Variants in OSBPL6 observed in about 807,000 individuals in gnomAD.
The protein encoded by OSBPL6 is oxysterol binding protein like 6.
In OSBPL6, 49 loss-of-function variants were observed where a neutral mutation model predicts 125.8. That is an observed-to-expected ratio of 0.39 (90% CI 0.31 to 0.49). The LOEUF (loss-of-function observed/expected upper bound fraction) is 0.49, where lower values mean the gene tolerates loss of function less well. OSBPL6 is among the 20% of genes least tolerant of loss of function. OSBPL6 has a pLI of 0.88. For synonymous variants in OSBPL6, 394 were observed against 391.8 expected, an observed-to-expected ratio of 1.01 and a Z score of -0.07; for missense variants, 986 against 1,135.4, an observed-to-expected ratio of 0.87 and a Z score of 1.89.
chr2:178,223,748 A>G (rs188482621), intron 1 of OSBPL6, among the ~76,000 whole-genome samples: 128 of 152,282 alleles, frequency 8.4e-4, no homozygotes, highest in African/African-American at 2.8e-3. Flanking sequence ...TCATTCTCAA[A>G]TCTGGTATCT....
rs748577352 is a variant in OSBPL6 at position 178,331,594 on chromosome 2, G to A, written c.361G>A (p.Ala121Thr). Residue 121 changes from alanine to threonine, a missense_variant, in exon 6 of 25, where the codon GCA (alanine) becomes ACA (threonine). Coordinates refer to ENST00000190611, the MANE Select transcript of OSBPL6 (RefSeq NM_032523.4). ...TAATGGAATGTTAAAGTATTCAAAG[G>A]CACCACTCGATGTAAGTAGCACACA... Reference protein sequence around the residue: ...LDNGMLKYSKAPLDIQKGKVH... With the variant: ...LDNGMLKYSKTPLDIQKGKVH... 9.3e-6 allele frequency: 15 copies of A among 1,613,866 alleles called. No homozygotes were observed. Among genetic ancestry groups the A allele is most frequent in the Non-Finnish European group, 1.3e-5 (15 of 1,179,928 alleles).
chr2:178,332,823 C>A, intron 7 of OSBPL6, 48 bp from the exon 8 acceptor site: 1 of 1,608,098 alleles, frequency 6.2e-7, no homozygotes, highest in Non-Finnish European at 8.5e-7. Flanking sequence ...CAGTGGTAGG[C>A]AGGAGAGTTA....
At chr2:178,369,679 A>G (rs555029379) in intron 13 of OSBPL6, among the ~76,000 whole-genome samples, 9 of 152,318 alleles carry the variant, frequency 5.9e-5, no homozygotes, top group Non-Finnish European at 1.2e-4. Flanking sequence ...TAATGGCTAG[A>G]TGTTATCTTG....
intron 15 of OSBPL6, among the ~76,000 whole-genome samples, chr2:178,379,575 A>G (rs926233882): frequency 2.2e-4 from 33 of 152,232 alleles, no homozygotes; most frequent in South Asian, 2.1e-4. Context: ...ACAAATGTTC[A>G]AACAATAAAC....
At chr2:178,307,722 G>T (rs1686901193) in intron 3 of OSBPL6, among the ~76,000 whole-genome samples, 1 of 151,960 alleles carries the variant, frequency 6.6e-6, no homozygotes, top group African/African-American at 2.4e-5. Flanking sequence ...TCCCTTCCCT[G>T]GGCATTTAAA....
At chr2:178,339,842 G>A (rs1240260576) in intron 11 of OSBPL6, 78 bp downstream of exon 11, 24 of 997,730 alleles carry the variant, frequency 2.4e-5, no homozygotes, top group Admixed American at 1.1e-4. Flanking sequence ...GTTTATGGGC[G>A]TTAGATTGAA....
chr2:178,363,468 A>G (rs1451737949), intron 13 of OSBPL6, among the ~76,000 whole-genome samples: 1 of 152,184 alleles, frequency 6.6e-6, no homozygotes, highest in African/African-American at 2.4e-5. Context: ...AGCAGGAAAC[A>G]GTGAAATGGA....
At chr2:178,280,606 T>C (rs1684061108) in intron 1 of OSBPL6, among the ~76,000 whole-genome samples, 1 of 152,222 alleles carries the variant, frequency 6.6e-6, no homozygotes, top group Non-Finnish European at 1.5e-5. Context: ...TGTGTGAAAA[T>C]ATACACTTTC....
chr2:178,272,436 G>C (rs1419186962), intron 1 of OSBPL6, among the ~76,000 whole-genome samples: 1 of 152,172 alleles, frequency 6.6e-6, no homozygotes, highest in Non-Finnish European at 1.5e-5. Context: ...GAAAGCTCTT[G>C]ATCCAAGGCC....
At chr2:178,304,360 C>T (rs7567412) in intron 2 of OSBPL6, among the ~76,000 whole-genome samples, 4,624 of 152,250 alleles carry the variant, frequency 0.03, 222 homozygotes, top group African/African-American at 0.11. Context: ...GAAGGGGAAG[C>T]AAACACTTCC....
chr2:178,393,134 G>A (rs1695563135), intron 23 of OSBPL6, among the ~76,000 whole-genome samples: 1 of 152,134 alleles, frequency 6.6e-6, no homozygotes, highest in South Asian at 2.1e-4. Context: ...CTGTAAATTT[G>A]TGAACTCTTT....
At chr2:178,325,276 A>G (rs775289546) in intron 4 of OSBPL6, among the ~76,000 whole-genome samples, 5 of 152,238 alleles carry the variant, frequency 3.3e-5, no homozygotes, top group Admixed American at 2.0e-4. Context: ...ACTTCTAAAT[A>G]TGTAAAACTG....
intron 1 of OSBPL6, among the ~76,000 whole-genome samples, chr2:178,238,022 C>T (rs334045): frequency 0.33 from 50,638 of 151,952 alleles, 9,013 homozygotes; most frequent in African/African-American, 0.44. Context: ...AGGGAATGAC[C>T]TTTTCTCAAT....
Position 178,391,094 on chromosome 2 carries a change from AT to A in OSBPL6, c.2324del (p.Met775ArgfsTer8). On this transcript the variant is annotated frameshift_variant, in exon 22 of 25. Transcript: ENST00000190611. LOFTEE classifies it high-confidence loss of function. ...FVKVNYWNSN[M>X]NEVQGVVIDQ... ...CCAGGTGAATTATTGGAATTCTAAC[AT>A]GAATGAAGTCCAGGGGGTGGTGATA... 1 of 1,613,500 alleles carries A rather than the reference AT, an allele frequency of 6.2e-7. No individual in the cohort carries two copies. Among genetic ancestry groups the A allele is most frequent in the Non-Finnish European group, 8.5e-7 (1 of 1,179,840 alleles).
At chr2:178,235,441 G>C (rs140552670) in intron 1 of OSBPL6, among the ~76,000 whole-genome samples, 17,323 of 111,966 alleles carry the variant, frequency 0.15, 2,506 homozygotes, top group African/African-American at 0.4. Context: ...AAGTCTCGCT[G>C]TGTCACCCAG....
intron 14 of OSBPL6, 83 bp from the exon 15 acceptor site, chr2:178,373,807 G>A: frequency 6.6e-7 from 1 of 1,521,930 alleles, no homozygotes; most frequent in South Asian, 1.2e-5. Flanking sequence ...CAGTATTAAA[G>A]AGTAGAAATC....
In OSBPL6 at chr2:178,381,933, C is replaced by T. The variant is rs186381867; in HGVS notation, c.1534-487C>T. ...TGCTCTCATGGGCCTTACCTTTGCACGATCTCTCTTCTTTGTGTGCTTCTG... is the reference window on the plus strand; with the variant it reads ...TGCTCTCATGGGCCTTACCTTTGCATGATCTCTCTTCTTTGTGTGCTTCTG... On this transcript the variant is annotated intron_variant, in intron 15 of 24. Coordinates refer to ENST00000190611, the MANE Select transcript of OSBPL6 (RefSeq NM_032523.4). 2.7e-3 allele frequency among the ~76,000 whole-genome samples: 417 copies of T among 152,296 alleles called. 2 individuals carry two copies. Among genetic ancestry groups the T allele is most frequent in the Middle Eastern group, 0.01 (3 of 294 alleles).
intron 17 of OSBPL6, 42 bp from the exon 18 acceptor site, chr2:178,383,997 C>A: frequency 3.8e-6 from 6 of 1,593,528 alleles, no homozygotes; most frequent in Non-Finnish European, 5.2e-6. Flanking sequence ...ACCCAGCAGT[C>A]GTCTCTCCTA....
rs572469331 is a variant in OSBPL6, at chr2:178,338,334, A to G, written c.791-657A>G. On this transcript the variant is annotated intron_variant, in intron 9 of 24. Transcript: ENST00000190611. ...ATTTTTAAATATTCTCTTGTACTAA[A>G]TAAACCAAAAAATTTAAAAGAAAAC... Among the ~76,000 whole-genome samples the G allele has an allele frequency of 1.5e-4, 23 of 152,342 alleles. 2 individuals carry two copies. The South Asian group carries it at 4.8e-3, about 32-fold the overall frequency.
Sources: gnomAD v4.1 joint callset for allele counts (sites outside exome capture counted in the v4.1 genomes callset) on GRCh38, gnomAD v4.1.1 for gene constraint, MANE v1.5 for transcripts, NCBI Gene and HGNC (gene_info 2026-07-23, HGNC 2026-07-21) for gene names.